TRIM37: variants seen among roughly 807,000 people sequenced by gnomAD.
TRIM37 encodes tripartite motif containing 37, also known as E3 ubiquitin-protein ligase TRIM37.
TRIM37 carries 80 observed loss-of-function variants against 129.8 expected under a neutral mutation model. The observed-to-expected ratio is 0.62, with a 90% CI of 0.51 to 0.74. TRIM37 has a LOEUF of 0.74. TRIM37 is among the 30% of genes least tolerant of loss of function. The probability of loss-of-function intolerance (pLI) is 0.00; values close to 1 mark genes in which losing one functional copy is unlikely to be tolerated. For synonymous variants in TRIM37, 389 were observed against 387.1 expected, an observed-to-expected ratio of 1.00 and a Z score of -0.06; for missense variants, 1,054 against 1,176.5, an observed-to-expected ratio of 0.90 and a Z score of 1.52.
chr17:59,060,664 T>C (rs1275369820), intron 12 of TRIM37, among the ~76,000 whole-genome samples: 2 of 152,186 alleles, frequency 1.3e-5, no homozygotes, highest in Non-Finnish European at 2.9e-5. Context: ...GGATTCCTTG[T>C]GGAGTAAATA....
chr17:59,077,617 C>T lies in TRIM37; in HGVS notation c.617-1903G>A, dbSNP rs188913156. Among the ~76,000 whole-genome samples, 14 of 151,808 alleles carry T rather than the reference C, an allele frequency of 9.2e-5. No individual in the cohort carries two copies. The East Asian group carries it at 2.7e-3, about 30-fold the overall frequency. On this transcript the variant is annotated intron_variant, in intron 7 of 23. Transcript: ENST00000262294. ...ACAAGGTCAGGAGTTTGAGACCAGC[C>T]TGGCCAATATGGTAAAACCCTGTCT...
At chr17:59,097,456 C>T (rs1349520773) in intron 2 of TRIM37, among the ~76,000 whole-genome samples, 7 of 152,038 alleles carry the variant, frequency 4.6e-5, no homozygotes, top group African/African-American at 1.7e-4. Flanking sequence ...ACACAAAAAA[C>T]ACTGGCATTT....
At chr17:59,031,181 T>C (rs1269352045) in intron 18 of TRIM37, among the ~76,000 whole-genome samples, 2 of 152,172 alleles carry the variant, frequency 1.3e-5, no homozygotes, top group Non-Finnish European at 2.9e-5. Context: ...GCCTTAAAAC[T>C]ACATCAAAAT....
intron 17 of TRIM37, among the ~76,000 whole-genome samples, chr17:59,036,871 G>A (rs1346854963): frequency 6.6e-6 from 1 of 152,044 alleles, no homozygotes; most frequent in Non-Finnish European, 1.5e-5. Context: ...CCAGCACTTT[G>A]GGAGGCTGAG....
At chr17:59,047,015 G>T (rs539240668) in intron 16 of TRIM37, among the ~76,000 whole-genome samples, 1 of 151,690 alleles carries the variant, frequency 6.6e-6, no homozygotes. Context: ...TTAGCTGGGC[G>T]AGGTGGCGGG....
chr17:59,012,227 G>GCAGCAGCAGCAGCACCAGCAC, intron 22 of TRIM37, 101 bp downstream of exon 22: 1 of 610,752 alleles, frequency 1.6e-6, no homozygotes, highest in East Asian at 3.4e-5. Flanking sequence ...AGCAGCAGCA[G>GCAGCAGCAGCAGCACCAGCAC]CACCACCACC....
At chr17:59,071,848 G>A (rs1202823474) in intron 8 of TRIM37, among the ~76,000 whole-genome samples, 1 of 152,130 alleles carries the variant, frequency 6.6e-6, no homozygotes, top group Non-Finnish European at 1.5e-5. Context: ...ATAACTCTGA[G>A]TCTGTTTACA....
chr17:59,024,340 C>G (rs573070781), intron 19 of TRIM37, among the ~76,000 whole-genome samples: 1 of 151,778 alleles, frequency 6.6e-6, no homozygotes, highest in East Asian at 1.9e-4. Context: ...AGAGATTCCA[C>G]TCACAACAGC....
intron 2 of TRIM37, among the ~76,000 whole-genome samples, chr17:59,102,869 A>T (rs1369477188): frequency 6.6e-6 from 1 of 152,190 alleles, no homozygotes; most frequent in Non-Finnish European, 1.5e-5. Flanking sequence ...AAGAATAAGG[A>T]AACAGAAATT....
chr17:59,087,925 A>G (rs922615935), intron 4 of TRIM37: 3 of 362,402 alleles, frequency 8.3e-6, no homozygotes, highest in Non-Finnish European at 1.5e-5. Context: ...GGAACATAAG[A>G]CCATTTATTC....
At chr17:59,083,852 AG>A (rs2043520614) in intron 5 of TRIM37, 149 bp downstream of exon 5, 1 of 680,692 alleles carries the variant, frequency 1.5e-6, no homozygotes, top group African/African-American at 1.8e-5. Flanking sequence ...CTGGAATAAA[AG>A]TACAATACCT....
chr17:59,035,173 C>T (rs1336388351), intron 17 of TRIM37, among the ~76,000 whole-genome samples: 1 of 152,008 alleles, frequency 6.6e-6, no homozygotes, highest in Admixed American at 6.6e-5. Context: ...GATTCTTGTG[C>T]CTCAGCCTCC....
intron 16 of TRIM37, among the ~76,000 whole-genome samples, chr17:59,046,820 G>A (rs1332872091): frequency 6.6e-6 from 1 of 150,878 alleles, no homozygotes; most frequent in Non-Finnish European, 1.5e-5. Flanking sequence ...GATTACAGGC[G>A]TGAGCCACCG....
chr17:59,021,644 G>A (rs1743855351), intron 19 of TRIM37, among the ~76,000 whole-genome samples: 1 of 151,930 alleles, frequency 6.6e-6, no homozygotes, highest in African/African-American at 2.4e-5. Flanking sequence ...TGGGTGGCTG[G>A]GGGGATGGTT....
chr17:58,977,677 GT>G (rs1567898519), downstream of TRIM37, among the ~76,000 whole-genome samples: 1 of 152,178 alleles, frequency 6.6e-6, no homozygotes, highest in African/African-American at 2.4e-5. Context: ...TTCTAGCAGA[GT>G]TATCCATAGG....
At chr17:59,079,912 G>T in intron 6 of TRIM37, 35 bp from the exon 7 acceptor site, 1 of 1,606,570 alleles carries the variant, frequency 6.2e-7, no homozygotes, top group South Asian at 1.1e-5. Context: ...ATTTTAATTG[G>T]GTAAATTTTA....
chr17:59,028,670 C>T lies in TRIM37; in HGVS notation c.2002G>A (p.Val668Met). Residue 668 changes from valine (V) to methionine (M), a missense_variant, in exon 19 of 24, where the codon GTG becomes ATG. Coordinates refer to ENST00000262294, the MANE Select transcript of TRIM37 (RefSeq NM_015294.6). ...TTTAGCATCTTTAAATCAGAGGGCACTCGCCACATTGCCTGTTGCTTCCTT... is the reference window on the plus strand; with the variant it reads ...TTTAGCATCTTTAAATCAGAGGGCATTCGCCACATTGCCTGTTGCTTCCTT... ...DQRKQQAMWR[V>M]PSDLKMLKRL... 1.2e-6 allele frequency: 2 copies of T among 1,614,190 alleles called. No homozygotes were observed. Among genetic ancestry groups the T allele is most frequent in the Non-Finnish European group, 8.5e-7 (1 of 1,180,028 alleles).
chr17:59,093,306 G>A (rs142468913), intron 2 of TRIM37, among the ~76,000 whole-genome samples: 2,375 of 152,250 alleles, frequency 0.016, 60 homozygotes, highest in African/African-American at 0.054. Context: ...CCACTCTTCT[G>A]TTAAAGTCAC....
intron 22 of TRIM37, among the ~76,000 whole-genome samples, chr17:59,006,449 A>G (rs569194766): frequency 2.0e-5 from 3 of 152,296 alleles, no homozygotes; most frequent in African/African-American, 7.2e-5. Flanking sequence ...AAATACATTA[A>G]CCACCTGGTA....
Sources: gnomAD v4.1 joint callset for allele counts (sites outside exome capture counted in the v4.1 genomes callset) on GRCh38, gnomAD v4.1.1 for gene constraint, MANE v1.5 for transcripts, NCBI Gene and HGNC (gene_info 2026-07-23, HGNC 2026-07-21) for gene names.